Variants in TBC1D5 observed in about 807,000 individuals in gnomAD.
TBC1D5 encodes the protein TBC1 domain family member 5, also known as TBC1 domain family, member 5.
Under a neutral mutation model 100.3 loss-of-function variants are expected in TBC1D5, and 75 were observed. The ratio of observed to expected loss-of-function variants is 0.75; its 90% CI spans 0.62 to 0.91. TBC1D5 has a LOEUF of 0.91. TBC1D5 is among the 40% of genes least tolerant of loss of function. The probability of loss-of-function intolerance (pLI) is 0.00; values close to 1 mark genes in which losing one functional copy is unlikely to be tolerated. For missense variants in TBC1D5, 910 were observed against 942.4 expected (o/e 0.97, Z 0.45); for synonymous variants, 323 against 325.6 (o/e 0.99, Z 0.09).
chr3:17,361,083 T>C (rs17043493), intron 13 of TBC1D5, among the ~76,000 whole-genome samples: 13,676 of 152,076 alleles, frequency 0.09, 1,416 homozygotes, highest in African/African-American at 0.25. Context: ...TTGGAAATCA[T>C]TGGTTTCTCA....
exon 22 of TBC1D5, chr3:17,161,066 A>G (rs2065978048): frequency 6.2e-7 from 1 of 1,614,218 alleles, no homozygotes; most frequent in East Asian, 2.2e-5. Flanking sequence ...TGGGCCCATC[A>G]GTGGATCTGA....
intron 2 of TBC1D5, among the ~76,000 whole-genome samples, chr3:17,543,607 C>T (rs1161834627): frequency 2.0e-5 from 3 of 152,066 alleles, no homozygotes; most frequent in African/African-American, 7.2e-5. Context: ...CACTGCTTTC[C>T]AGCCTGGGTG....
At chr3:17,494,262 A>G (rs1246921279) in intron 3 of TBC1D5, among the ~76,000 whole-genome samples, 1 of 152,132 alleles carries the variant, frequency 6.6e-6, no homozygotes, top group Non-Finnish European at 1.5e-5. Flanking sequence ...AGACTGCAGA[A>G]CAGCAAAGAT....
At chr3:17,418,088 T>C (rs1425199680) in intron 4 of TBC1D5, among the ~76,000 whole-genome samples, 1 of 152,182 alleles carries the variant, frequency 6.6e-6, no homozygotes, top group African/African-American at 2.4e-5. Flanking sequence ...AATCATGGAA[T>C]GAAAATTGTA....
chr3:17,698,103 G>A (rs2072451256), intron 1 of TBC1D5, among the ~76,000 whole-genome samples: 1 of 151,816 alleles, frequency 6.6e-6, no homozygotes, highest in African/African-American at 2.4e-5. Context: ...TAAGCCAAAA[G>A]AACAAAGCTG....
chr3:17,260,395 T>G (rs1303078279), intron 15 of TBC1D5, among the ~76,000 whole-genome samples: 3 of 152,228 alleles, frequency 2.0e-5, no homozygotes, highest in Non-Finnish European at 4.4e-5. Flanking sequence ...CACAGAGTGC[T>G]GATCTATCTA....
exon 22 of TBC1D5, chr3:17,157,235 T>C (rs2124921947): frequency 6.6e-6 from 1 of 152,390 alleles, no homozygotes; most frequent in East Asian, 1.9e-4. Flanking sequence ...AAATCATTTC[T>C]TAAATCAGTA....
At chr3:17,348,375 T>C (rs2090162611) in intron 13 of TBC1D5, among the ~76,000 whole-genome samples, 1 of 152,224 alleles carries the variant, frequency 6.6e-6, no homozygotes, top group Non-Finnish European at 1.5e-5. Flanking sequence ...CTGGGCATCT[T>C]GGTAAAATGC....
intron 1 of TBC1D5, among the ~76,000 whole-genome samples, chr3:17,730,950 G>T (rs1182068023): frequency 6.6e-6 from 1 of 151,952 alleles, no homozygotes; most frequent in Non-Finnish European, 1.5e-5. Context: ...TAATATTTAT[G>T]TATTATGAGT....
At chr3:17,291,847 A>ATTT (rs775019594) in intron 15 of TBC1D5, 48 bp downstream of exon 15, 1 of 1,539,752 alleles carries the variant, frequency 6.5e-7, no homozygotes, top group South Asian at 1.2e-5. Flanking sequence ...AGAGAAGCCT[A>ATTT]TTTTTCACCC....
intron 2 of TBC1D5, among the ~76,000 whole-genome samples, chr3:17,530,575 C>T (rs1333220876): frequency 6.6e-6 from 1 of 152,154 alleles, no homozygotes; most frequent in African/African-American, 2.4e-5. Flanking sequence ...TAAAATGCCA[C>T]ACACTAGCCA....
At chr3:17,595,194 ACCTTGTGAT>A (rs2060485827) in intron 2 of TBC1D5, among the ~76,000 whole-genome samples, 1 of 152,146 alleles carries the variant, frequency 6.6e-6, no homozygotes, top group South Asian at 2.1e-4. Context: ...CTATTGTGGG[ACCTTGTGAT>A]CATTTCAGTT....
chr3:17,164,112 G>A (rs1312044451), intron 21 of TBC1D5, among the ~76,000 whole-genome samples: 1 of 152,176 alleles, frequency 6.6e-6, no homozygotes, highest in African/African-American at 2.4e-5. Context: ...TCACAAGACT[G>A]CTGTTTTCAG....
chr3:17,643,600 C>T (rs2064739244), intron 1 of TBC1D5, among the ~76,000 whole-genome samples: 1 of 151,974 alleles, frequency 6.6e-6, no homozygotes, highest in African/African-American at 2.4e-5. Flanking sequence ...GGTTTTTAAA[C>T]TGTATCAAAT....
chr3:17,679,780 G>A (rs1341173408), intron 1 of TBC1D5, among the ~76,000 whole-genome samples: 2 of 151,504 alleles, frequency 1.3e-5, no homozygotes, highest in Non-Finnish European at 2.9e-5. Context: ...TTTATATAGT[G>A]AAGTATTACT....
intron 3 of TBC1D5, among the ~76,000 whole-genome samples, chr3:17,433,131 T>C (rs1444298332): frequency 6.7e-6 from 1 of 149,648 alleles, no homozygotes; most frequent in African/African-American, 2.4e-5. Context: ...GAGGGTACCA[T>C]GTTAGCAAAT....
At chr3:17,334,183 C>G (rs2087317486) in intron 13 of TBC1D5, among the ~76,000 whole-genome samples, 1 of 151,810 alleles carries the variant, frequency 6.6e-6, no homozygotes, top group Non-Finnish European at 1.5e-5. Flanking sequence ...GAGTGAGTAG[C>G]TTGAGGTAAG....
At chr3:17,209,852 T>C (rs1210694618) in intron 18 of TBC1D5, among the ~76,000 whole-genome samples, 2 of 152,208 alleles carry the variant, frequency 1.3e-5, no homozygotes, top group Admixed American at 6.5e-5. Flanking sequence ...TCTTTTTGAA[T>C]AAATCTTTCT....
chr3:17,327,592 C>T (rs1219373821), intron 13 of TBC1D5, among the ~76,000 whole-genome samples: 1 of 152,158 alleles, frequency 6.6e-6, no homozygotes, highest in African/African-American at 2.4e-5. Flanking sequence ...ACATGGCTTG[C>T]TCCCATAGCT....
Sources: allele counts gnomAD v4.1 joint callset (sites outside exome capture counted in the v4.1 genomes callset), GRCh38; gene constraint gnomAD v4.1.1; transcripts MANE v1.5; gene names NCBI Gene and HGNC (gene_info 2026-07-23, HGNC 2026-07-21).